MUL1: variants seen among roughly 807,000 people sequenced by gnomAD.
MUL1 encodes mitochondrial E3 ubiquitin protein ligase 1.
Under a neutral mutation model 34.1 loss-of-function variants are expected in MUL1, and 30 were observed. The ratio of observed to expected loss-of-function variants is 0.88; its 90% CI spans 0.66 to 1.19. The LOEUF (loss-of-function observed/expected upper bound fraction) is 1.19, where lower values mean the gene tolerates loss of function less well. Ranked by LOEUF, MUL1 falls within the 50% of genes most tolerant of loss-of-function variation. The pLI, the probability that MUL1 is intolerant of heterozygous loss-of-function variation, is 0.00. For synonymous variants in MUL1, 191 were observed against 187.8 expected, an observed-to-expected ratio of 1.02 and a Z score of -0.14; for missense variants, 419 against 450.5, an observed-to-expected ratio of 0.93 and a Z score of 0.63.
intron 1 of MUL1, 152 bp downstream of exon 1, chr1:20,507,753 G>A: frequency 1.8e-6 from 2 of 1,126,178 alleles, no homozygotes; most frequent in Non-Finnish European, 1.2e-6. Context: ...CCTGCCCCTC[G>A]CTCCTCCATC....
intron 1 of MUL1, among the ~76,000 whole-genome samples, chr1:20,507,546 AC>A (rs1005616941): frequency 2.0e-5 from 3 of 152,328 alleles, no homozygotes; most frequent in South Asian, 4.1e-4. Flanking sequence ...CGCCTGATTT[AC>A]ATGTTTGCTG....
At chr1:20,503,341 C>T (rs1417002524) in intron 1 of MUL1, 32 bp from the exon 2 acceptor site, 7 of 1,288,796 alleles carry the variant, frequency 5.4e-6, no homozygotes, top group Non-Finnish European at 5.5e-6. Flanking sequence ...AATTAATTGG[C>T]CATTGAACAC....
chr1:20,500,370 A>T lies in MUL1; in HGVS notation c.*320T>A, dbSNP rs1023605020. ...AGACACAGGAACAGAAGAGCTGCTG[A>T]TCACTGGCTTTGGTGCTTAAGTGAT... On this transcript the variant is annotated 3_prime_UTR_variant, in exon 4 of 4. Coordinates refer to ENST00000264198, the MANE Select transcript of MUL1 (RefSeq NM_024544.3). 9.9e-5 allele frequency: 22 copies of T among 223,088 alleles called. No homozygotes were observed. The highest frequency in any genetic ancestry group is 1.6e-3 in the Middle Eastern group (1 of 634). The allele number at this position is 223,088 out of a possible 1,614,324, so 13.8% of individuals were successfully genotyped here.
intron 1 of MUL1, among the ~76,000 whole-genome samples, chr1:20,507,430 C>G (rs2051726642): frequency 6.6e-6 from 1 of 152,164 alleles, no homozygotes; most frequent in Non-Finnish European, 1.5e-5. Context: ...CTCCTAGGCT[C>G]TGCTCAAATG....
chr1:20,505,889 CAGAA>C (rs2051709487), intron 1 of MUL1, among the ~76,000 whole-genome samples: 1 of 152,084 alleles, frequency 6.6e-6, no homozygotes, highest in Non-Finnish European at 1.5e-5. Context: ...GGTTTGGAGT[CAGAA>C]AGTGAAGTAT....
In MUL1 at chr1:20,501,902, T is replaced by G. The variant is rs935735269; in HGVS notation, c.329+167A>C. Among the ~76,000 whole-genome samples the G allele has an allele frequency of 1.3e-5, 2 of 152,136 alleles. No individual in the cohort carries two copies. Among genetic ancestry groups the G allele is most frequent in the South Asian group, 4.1e-4 (2 of 4,824 alleles). ...CATTTCAACAAGATGCCTCGGTGAT[T>G]CCGACATAGGAGGCCCACAGGCTAC... On this transcript the variant is annotated intron_variant, in intron 3 of 3. Transcript: ENST00000264198. The surrounding 1 kb of genome is among the most constrained non-coding windows in gnomAD (Gnocchi z 4.2).
chr1:20,500,879 G>C lies in MUL1; in HGVS notation c.870C>G (p.Ala290=). 1.2e-6 allele frequency: 2 copies of C among 1,614,136 alleles called. No homozygotes were observed. Among genetic ancestry groups the C allele is most frequent in the Non-Finnish European group, 1.7e-6 (2 of 1,179,992 alleles). The change falls in exon 4 of 4, where the codon GCC becomes GCG. Residue 290 remains alanine, a synonymous_variant. Coordinates refer to ENST00000264198, the MANE Select transcript of MUL1 (RefSeq NM_024544.3). ...TCAGACTCTCCCTGTCCTCAGGCTT[G>C]GCTCGGCTCAGCAGCTGGGCCTCAT... ...QEHEAQLLSR[A]KPEDRESLKS...
rs756711417 is a variant in MUL1 at position 20,508,119 on chromosome 1, C to T, written c.-95G>A. Reference sequence around the variant, plus strand: ...CCTTCCGACCAGGACCGCACCCCCCCGGCCTAACCTGACCGGAAACTCGAA... The same window carrying T: ...CCTTCCGACCAGGACCGCACCCCCCTGGCCTAACCTGACCGGAAACTCGAA... On this transcript the variant is annotated 5_prime_UTR_variant, in exon 1 of 4. Transcript: ENST00000264198. 325 of 1,458,690 alleles carry T rather than the reference C, an allele frequency of 2.2e-4. No individual in the cohort carries two copies. The highest frequency in any genetic ancestry group is 7.5e-4 in the Admixed American group (29 of 38,684). The allele number at this position is 1,458,690 out of a possible 1,614,324, so 90.4% of individuals were successfully genotyped here.
Position 20,501,134 on chromosome 1 carries a change from G to A in MUL1, c.615C>T (p.Asn205=), listed in dbSNP as rs927498311. Residue 205 remains asparagine, a synonymous_variant, in exon 4 of 4, where the codon AAC becomes AAT. Coordinates refer to ENST00000264198, the MANE Select transcript of MUL1 (RefSeq NM_024544.3). This position sits in a 1 kb window ranked among gnomAD's most constrained non-coding sequence, Gnocchi z 4.2. The part of the protein sequence containing the change: ...LTGVGELVLD[N]NSVRLQPPKQ... ...TGGGCGGCTGCAGGCGGACAGAGTTGTTGTCCAGGACCAGTTCGCCAACCC... is the reference window on the plus strand; with the variant it reads ...TGGGCGGCTGCAGGCGGACAGAGTTATTGTCCAGGACCAGTTCGCCAACCC... 1.9e-6 allele frequency: 3 copies of A among 1,613,998 alleles called. No homozygotes were observed. The highest frequency in any genetic ancestry group is 2.7e-5 in the African/African-American group (2 of 74,936).
Position 20,507,909 on chromosome 1 carries a change from A to G in MUL1, c.116T>C (p.Leu39Pro). Residue 39 changes from leucine to proline, a missense_variant, in exon 1 of 4, where the codon CTC becomes CCC. Transcript: ENST00000264198. ...YRQKARVSQE[L>P]KGAKKVHLGE... Reference sequence around the variant, plus strand: ...CAGGCCGGCTCCAGCACTGACCTTGAGCTCTTGGGAGACCCGGGCCTTCTG... The same window carrying G: ...CAGGCCGGCTCCAGCACTGACCTTGGGCTCTTGGGAGACCCGGGCCTTCTG... The G allele has an allele frequency of 6.3e-7, 1 of 1,597,332 alleles. No homozygotes were observed. The highest frequency in any genetic ancestry group is 8.5e-7 in the Non-Finnish European group (1 of 1,172,836).
At chr1:20,503,508 C>A (rs1245748266) in intron 1 of MUL1, among the ~76,000 whole-genome samples, 199 bp from the exon 2 acceptor site, 1 of 152,200 alleles carries the variant, frequency 6.6e-6, no homozygotes, top group Non-Finnish European at 1.5e-5. Context: ...CTGCCTCTTC[C>A]ATCACTGCAG....
Position 20,505,131 on chromosome 1 carries a change from A to G in MUL1, c.121-1822T>C, listed in dbSNP as rs147524081. 4.3e-3 allele frequency among the ~76,000 whole-genome samples: 654 copies of G among 152,348 alleles called. 6 individuals are homozygous for G. Among genetic ancestry groups the G allele is most frequent in the Middle Eastern group, 0.027 (8 of 294 alleles). Reference sequence around the variant, plus strand: ...AAGGACAGGGAAAATGCAATTTCACAGGATTTTTATGTGGGTTAAATGAAC... The same window carrying G: ...AAGGACAGGGAAAATGCAATTTCACGGGATTTTTATGTGGGTTAAATGAAC... On this transcript the variant is annotated intron_variant, in intron 1 of 3. Coordinates refer to ENST00000264198, the MANE Select transcript of MUL1 (RefSeq NM_024544.3).
At position 20,500,494 on chromosome 1, in the gene MUL1, G is replaced by A; in HGVS notation, c.*196C>T. 1.6e-6 allele frequency: 1 copy of A among 640,964 alleles called. No individual in the cohort carries two copies. Among genetic ancestry groups the A allele is most frequent in the Non-Finnish European group, 2.5e-6 (1 of 396,418 alleles). The allele number at this position is 640,964 out of a possible 1,614,324, so 39.7% of individuals were successfully genotyped here. ...CTCTGATGAGGCTGCACATGGACAG[G>A]GTCCCCTCTCAGGTGGGAAAGGCAG... is the stretch of plus-strand genomic sequence containing the variant. On this transcript the variant is annotated 3_prime_UTR_variant, in exon 4 of 4. Coordinates refer to ENST00000264198, the MANE Select transcript of MUL1 (RefSeq NM_024544.3).
Position 20,507,952 on chromosome 1 carries a change from G to C in MUL1, c.73C>G (p.Leu25Val). ...GCCTTCTGCCGGTACACGGAGTACA[G>C]GGCGGCGGTGACCACAGAGGTGGTG... is the stretch of plus-strand genomic sequence containing the variant. ...LGTTSVVTAALYSVYRQKARV... is the reference protein window; with the variant it reads ...LGTTSVVTAAVYSVYRQKARV... Residue 25 changes from leucine (L) to valine (V), a missense_variant, in exon 1 of 4, where the codon CTG (leucine) becomes GTG (valine). Leu to Val is a conservative substitution (Grantham distance 32, BLOSUM62 1). Coordinates refer to ENST00000264198, the MANE Select transcript of MUL1 (RefSeq NM_024544.3). 1 of 1,596,260 alleles carries C rather than the reference G, an allele frequency of 6.3e-7. No homozygotes were observed. The highest frequency in any genetic ancestry group is 1.8e-5 in the Admixed American group (1 of 56,720).
intron 3 of MUL1, 36 bp downstream of exon 3, chr1:20,502,033 T>G (rs986792609): frequency 6.2e-7 from 1 of 1,611,898 alleles, no homozygotes; most frequent in Admixed American, 1.7e-5. Context: ...ATAGACCAAC[T>G]GCAAGGGTTT....
intron 1 of MUL1, among the ~76,000 whole-genome samples, chr1:20,507,128 A>C (rs904765485): frequency 2.0e-5 from 3 of 151,804 alleles, no homozygotes; most frequent in Admixed American, 2.0e-4. Context: ...AAGCAGGAGA[A>C]TCACTTGAAC....
rs2051635156 is a variant in MUL1 at position 20,499,831 on chromosome 1, G to A, written c.*859C>T. 1 of 152,272 alleles carries A rather than the reference G, an allele frequency of 6.6e-6. No homozygotes were observed. The highest frequency in any genetic ancestry group is 2.4e-5 in the African/African-American group (1 of 41,460). 9.4% of individuals were successfully genotyped at this position (152,272 alleles called of 1,614,324 possible). ...GCTTTTCCTTGTGACAGCCTTGCAA[G>A]GAAGCTGTGAGGCCAGGACACTAGG... On this transcript the variant is annotated 3_prime_UTR_variant, in exon 4 of 4. Coordinates refer to ENST00000264198, the MANE Select transcript of MUL1 (RefSeq NM_024544.3).
intron 1 of MUL1, among the ~76,000 whole-genome samples, chr1:20,504,022 C>T (rs2051689703): frequency 6.6e-6 from 1 of 152,064 alleles, no homozygotes; most frequent in South Asian, 2.1e-4. Flanking sequence ...TAGGCATGCA[C>T]CACCACACCT....
intron 1 of MUL1, 109 bp downstream of exon 1, chr1:20,507,796 T>A: frequency 1.4e-6 from 2 of 1,451,106 alleles, no homozygotes; most frequent in Non-Finnish European, 1.8e-6. Flanking sequence ...AGAGGCTGTT[T>A]CCTTTTTTGG....
Sources: allele counts gnomAD v4.1 joint callset (sites outside exome capture counted in the v4.1 genomes callset), GRCh38; gene constraint gnomAD v4.1.1; non-coding constraint Gnocchi (gnomAD v3.1); transcripts MANE v1.5; gene names NCBI Gene and HGNC (gene_info 2026-07-23, HGNC 2026-07-21).